The following COL4A4 variants were observed in gnomAD, a reference collection of about 807,000 sequenced individuals.
COL4A4 encodes the protein collagen alpha-4(IV) chain.
COL4A4 carries 105 observed loss-of-function variants against 192.9 expected under a neutral mutation model. The observed-to-expected ratio is 0.54, with a 90% CI of 0.46 to 0.64. The LOEUF is 0.64. Among genes scored for constraint, COL4A4 ranks in the 30% least tolerant of loss-of-function variants. The pLI, the probability that COL4A4 is intolerant of heterozygous loss-of-function variation, is 0.00. For synonymous variants in COL4A4, 762 were observed against 769.9 expected, an observed-to-expected ratio of 0.99 and a Z score of 0.17; for missense variants, 1,967 against 2,169.3, an observed-to-expected ratio of 0.91 and a Z score of 1.85.
intron 1 of COL4A4, among the ~76,000 whole-genome samples, chr2:227,152,560 A>C (rs1301567658): frequency 1.3e-5 from 2 of 152,220 alleles, no homozygotes; most frequent in Non-Finnish European, 2.9e-5. Flanking sequence ...TCTCCTGCCT[A>C]AGATGCAACT....
intron 9 of COL4A4, chr2:227,109,530 C>G (rs1412714588): frequency 1.5e-6 from 1 of 658,512 alleles, no homozygotes; most frequent in African/African-American, 1.8e-5. Flanking sequence ...GGGCAGATCA[C>G]GAGGTCAGGA....
the COL4A4 span, among the ~76,000 whole-genome samples, chr2:226,977,860 T>C: frequency 6.6e-6 from 1 of 152,258 alleles, no homozygotes; most frequent in Non-Finnish European, 1.5e-5. Context: ...GTTCCTCCAA[T>C]AGTACCATTG....
Position 227,123,514 on chromosome 2 carries a change from G to GT in COL4A4, c.193-2367dup, listed in dbSNP as rs2061921011. Among the ~76,000 whole-genome samples the GT allele has an allele frequency of 6.6e-6, 1 of 152,212 alleles. No homozygotes were observed. The highest frequency in any genetic ancestry group is 2.4e-5 in the African/African-American group (1 of 41,450). On this transcript the variant is annotated intron_variant, in intron 4 of 47. Coordinates refer to ENST00000396625, the MANE Select transcript of COL4A4 (RefSeq NM_000092.5). This position sits in a 1 kb window ranked among gnomAD's most constrained non-coding sequence, Gnocchi z 4.6. ...AGTGAAGGCAGCCAAGAAAGGGGCA[G>GT]TTTCAGGTCAGTTATACTGTGGGCA...
chr2:226,984,410 G>A, the COL4A4 span, among the ~76,000 whole-genome samples: 2 of 152,172 alleles, frequency 1.3e-5, no homozygotes, highest in Non-Finnish European at 2.9e-5. Context: ...GGCAGAGAGT[G>A]CAAGCTCTGG....
At chr2:227,014,103 G>A (rs568544871) in intron 44 of COL4A4, among the ~76,000 whole-genome samples, 2 of 152,316 alleles carry the variant, frequency 1.3e-5, no homozygotes, top group East Asian at 1.9e-4. Context: ...GCGTCCACAA[G>A]TAGTAGAGTA....
At chr2:227,159,767 C>G (rs913134822) in intron 1 of COL4A4, among the ~76,000 whole-genome samples, 2 of 152,186 alleles carry the variant, frequency 1.3e-5, no homozygotes, top group African/African-American at 2.4e-5. Context: ...TGTAAGTTTC[C>G]TGAGGCCTCC....
intron 35 of COL4A4, among the ~76,000 whole-genome samples, chr2:227,045,959 G>A (rs866414208): frequency 1.3e-5 from 1 of 74,388 alleles, no homozygotes; most frequent in African/African-American, 7.0e-5. Context: ...ATGTATATAT[G>A]TATATATTTA....
rs199959778 is a variant in COL4A4 at position 227,115,463 on chromosome 2, G to A, written c.490-767C>T. On this transcript the variant is annotated intron_variant, in intron 7 of 47. Transcript: ENST00000396625. Reference sequence around the variant, plus strand: ...TTTTTTTGTATTTTTTAGTAGAGACGGGGTTTCACCATGTTAGCCAGGATG... The same window carrying A: ...TTTTTTTGTATTTTTTAGTAGAGACAGGGTTTCACCATGTTAGCCAGGATG... Among the ~76,000 whole-genome samples the A allele has an allele frequency of 6.5e-4, 99 of 151,730 alleles. 2 individuals are homozygous for A. In the East Asian group the frequency reaches 0.018, roughly 28 times the overall value.
chr2:227,027,249 CAAA>C (rs35287644), intron 42 of COL4A4, among the ~76,000 whole-genome samples: 1 of 121,660 alleles, frequency 8.2e-6, no homozygotes, highest in Non-Finnish European at 1.8e-5. Context: ...AAGACTGTCT[CAAA>C]AAAAAAAAAA....
Position 227,057,508 on chromosome 2 carries a change from G to A in COL4A4, c.2476C>T (p.His826Tyr), listed in dbSNP as rs748437341. Reference sequence around the variant, plus strand: ...CCTGGAGCACCTCTTTCACAGGAATGGCCAGGTGGACCTGGGACACCTGGA... The same window carrying A: ...CCTGGAGCACCTCTTTCACAGGAATAGCCAGGTGGACCTGGGACACCTGGA... ...GFPGVPGPPG[H>Y]SCERGAPGIP... The change falls in exon 29 of 48, where the codon CAT becomes TAT. Residue 826 changes from histidine (H) to tyrosine (Y), a missense_variant. Transcript: ENST00000396625. The A allele has an allele frequency of 6.2e-7, 1 of 1,613,502 alleles. No individual in the cohort carries two copies. Among genetic ancestry groups the A allele is most frequent in the East Asian group, 2.2e-5 (1 of 44,872 alleles).
Position 227,099,607 on chromosome 2 carries a change from T to C in COL4A4, c.1099+13A>G, listed in dbSNP as rs1576493562. The C allele has an allele frequency of 6.2e-7, 1 of 1,613,474 alleles. No individual in the cohort carries two copies. Among genetic ancestry groups the C allele is most frequent in the Non-Finnish European group, 8.5e-7 (1 of 1,179,374 alleles). On this transcript the variant is annotated intron_variant, in intron 18 of 47. Coordinates refer to ENST00000396625, the MANE Select transcript of COL4A4 (RefSeq NM_000092.5). ...CTGCATAATTTATGGAGGAACTGAA[T>C]AGGAACACAAACCTTTGAGTGGAAG...
intron 40 of COL4A4, 25 bp downstream of exon 40, chr2:227,031,919 CA>C: frequency 2.0e-6 from 3 of 1,514,310 alleles, no homozygotes; most frequent in Non-Finnish European, 2.8e-6. Context: ...GGAGCACTGC[CA>C]TCCTTTGTCA....
At chr2:227,104,414 C>CAAAAAAAAAAAAAAAA (rs60259710) in intron 12 of COL4A4, among the ~76,000 whole-genome samples, 1 of 96,874 alleles carries the variant, frequency 1.0e-5, no homozygotes, top group African/African-American at 4.2e-5. Flanking sequence ...ACTAAAAATA[C>CAAAAAAAAAAAAAAAA]AAAAAAAAAA....
intron 4 of COL4A4, among the ~76,000 whole-genome samples, chr2:227,126,322 T>C (rs1355099853): frequency 6.6e-6 from 1 of 152,204 alleles, no homozygotes; most frequent in Non-Finnish European, 1.5e-5. Flanking sequence ...GAGATAAGTG[T>C]AAATGCTGTC....
At chr2:227,162,189 C>T (rs1348727444) in intron 1 of COL4A4, among the ~76,000 whole-genome samples, 1 of 152,192 alleles carries the variant, frequency 6.6e-6, no homozygotes, top group African/African-American at 2.4e-5. Flanking sequence ...ATTTACATCA[C>T]AAGTTTCTTT....
intron 24 of COL4A4, among the ~76,000 whole-genome samples, chr2:227,078,529 C>G (rs1235423381): frequency 6.6e-6 from 1 of 152,206 alleles, no homozygotes; most frequent in Non-Finnish European, 1.5e-5. Flanking sequence ...GCCACCGCGC[C>G]TGGCCAATAT....
rs779258214 is a variant in COL4A4, at chr2:227,025,761, C to T, written c.4090+41G>A. ...GGACAAGTACAGAAATGACTAGAAA[C>T]CAGAGTGAGGGGAAATTACCAATTT... On this transcript the variant is annotated intron_variant, in intron 43 of 47. Transcript: ENST00000396625. 1.5e-5 allele frequency: 23 copies of T among 1,584,412 alleles called. 1 individual carries two copies. The South Asian group carries it at 1.6e-4, about 11-fold the overall frequency.
At chr2:227,012,379 C>T (rs1460445509) in intron 44 of COL4A4, 82 bp from the exon 45 acceptor site, 12 of 1,071,518 alleles carry the variant, frequency 1.1e-5, no homozygotes, top group South Asian at 1.0e-4. Flanking sequence ...GTATGCCAGC[C>T]GTGTGCCAGC....
intron 25 of COL4A4, among the ~76,000 whole-genome samples, chr2:227,071,744 A>G (rs1245193980): frequency 6.6e-6 from 1 of 152,138 alleles, no homozygotes; most frequent in East Asian, 1.9e-4. Flanking sequence ...CTCCAAAAGG[A>G]ACCCTCAAAA....
Sources: allele counts gnomAD v4.1 joint callset (sites outside exome capture counted in the v4.1 genomes callset), GRCh38; gene constraint gnomAD v4.1.1; non-coding constraint Gnocchi (gnomAD v3.1); transcripts MANE v1.5; gene names NCBI Gene and HGNC (gene_info 2026-07-23, HGNC 2026-07-21).